The following CFAP299 variants were observed in gnomAD, a reference collection of about 807,000 sequenced individuals.
CFAP299 encodes the protein cilia and flagella associated protein 299, also known as cilia- and flagella-associated protein 299.
In CFAP299, 21 loss-of-function variants were observed where a neutral mutation model predicts 27.0. That is an observed-to-expected ratio of 0.78 (90% confidence interval 0.55 to 1.12). CFAP299 has a LOEUF of 1.12. Among genes scored for constraint, CFAP299 ranks in the 50% most tolerant of loss-of-function variants. The probability of loss-of-function intolerance (pLI) is 0.00; values close to 1 mark genes in which losing one functional copy is unlikely to be tolerated. For missense variants in CFAP299, 310 were observed against 276.6 expected, an observed-to-expected ratio of 1.12 and a Z score of -0.86; for synonymous variants, 104 against 98.1, an observed-to-expected ratio of 1.06 and a Z score of -0.36.
At chr4:80,680,734 G>A (rs567290628) in intron 3 of CFAP299, among the ~76,000 whole-genome samples, 25 of 152,118 alleles carry the variant, frequency 1.6e-4, no homozygotes, top group Non-Finnish European at 2.9e-4. Flanking sequence ...CCTTCATTTA[G>A]CATTATTAAG....
chr4:80,807,722 A>G (rs1396864844), intron 3 of CFAP299, among the ~76,000 whole-genome samples: 6 of 152,154 alleles, frequency 3.9e-5, no homozygotes, highest in Non-Finnish European at 2.9e-5. Flanking sequence ...ATGCATTTAT[A>G]TAAAAAATCT....
chr4:80,408,264 C>T (rs1402700241), intron 2 of CFAP299, among the ~76,000 whole-genome samples: 2 of 152,308 alleles, frequency 1.3e-5, no homozygotes, highest in East Asian at 3.9e-4. Flanking sequence ...TCTTTTGACT[C>T]TACATCCTAG....
intron 2 of CFAP299, among the ~76,000 whole-genome samples, chr4:80,551,237 T>C (rs115974257): frequency 7.2e-4 from 109 of 152,332 alleles, no homozygotes; most frequent in African/African-American, 2.5e-3. Context: ...AAATATGCCA[T>C]ATTAGGGTTC....
intron 3 of CFAP299, among the ~76,000 whole-genome samples, chr4:80,808,400 C>T (rs1345340652): frequency 6.6e-6 from 1 of 152,030 alleles, no homozygotes; most frequent in African/African-American, 2.4e-5. Context: ...AAACATAGCG[C>T]TGTGATGTTG....
chr4:80,559,805 C>T (rs532390600), intron 2 of CFAP299, among the ~76,000 whole-genome samples: 32 of 152,240 alleles, frequency 2.1e-4, no homozygotes, highest in African/African-American at 4.8e-4. Flanking sequence ...ACAGAATTGA[C>T]GAAACTAGTA....
At chr4:80,914,734 G>A (rs1027954209) in intron 4 of CFAP299, among the ~76,000 whole-genome samples, 12 of 152,080 alleles carry the variant, frequency 7.9e-5, no homozygotes, top group Admixed American at 1.3e-4. Flanking sequence ...AAAATCATCC[G>A]TTTTATCTGA....
chr4:80,477,135 G>A (rs1730322109), intron 2 of CFAP299, among the ~76,000 whole-genome samples: 1 of 151,994 alleles, frequency 6.6e-6, no homozygotes, highest in Admixed American at 6.6e-5. Context: ...GCTCACTGCA[G>A]CCTTGCAGCC....
chr4:80,857,336 T>A (rs1731977181), intron 3 of CFAP299, among the ~76,000 whole-genome samples: 1 of 152,208 alleles, frequency 6.6e-6, no homozygotes. Context: ...GATTTTACAA[T>A]CATGTCATCT....
At chr4:80,612,683 T>A (rs527272186) in intron 3 of CFAP299, among the ~76,000 whole-genome samples, 12 of 152,278 alleles carry the variant, frequency 7.9e-5, no homozygotes, top group African/African-American at 2.9e-4. Context: ...TCAATAATAC[T>A]CACACCTTAA....
chr4:80,840,344 A>C (rs923209050), intron 3 of CFAP299, among the ~76,000 whole-genome samples: 1 of 152,158 alleles, frequency 6.6e-6, no homozygotes, highest in Non-Finnish European at 1.5e-5. Context: ...AAAAGCAGAA[A>C]GAACTTAGAT....
At chr4:80,600,631 C>T (rs896492645) in intron 3 of CFAP299, among the ~76,000 whole-genome samples, 3 of 152,074 alleles carry the variant, frequency 2.0e-5, no homozygotes, top group African/African-American at 7.2e-5. Flanking sequence ...GCTATCATGA[C>T]AATTATTGCA....
intron 3 of CFAP299, among the ~76,000 whole-genome samples, chr4:80,673,708 G>T (rs1460343214): frequency 1.3e-5 from 2 of 152,142 alleles, no homozygotes; most frequent in Non-Finnish European, 2.9e-5. Context: ...CCTGTATTGG[G>T]TGCATATATG....
At chr4:80,897,321 G>A (rs537935530) in intron 4 of CFAP299, among the ~76,000 whole-genome samples, 14 of 152,112 alleles carry the variant, frequency 9.2e-5, no homozygotes, top group Non-Finnish European at 1.9e-4. Context: ...AGCTGTGCCT[G>A]GCATTGGGAA....
intron 2 of CFAP299, among the ~76,000 whole-genome samples, chr4:80,397,069 G>C (rs1725841602): frequency 6.6e-6 from 1 of 151,038 alleles, no homozygotes; most frequent in Non-Finnish European, 1.5e-5. Flanking sequence ...CCTGTTATTG[G>C]TCTATTCGGG....
intron 2 of CFAP299, among the ~76,000 whole-genome samples, chr4:80,444,597 A>G (rs1316541825): frequency 6.6e-6 from 1 of 152,224 alleles, no homozygotes; most frequent in Non-Finnish European, 1.5e-5. Flanking sequence ...CCTAGGCAAT[A>G]CTATTCAGGA....
At chr4:80,861,196 G>T (rs999178856) in intron 3 of CFAP299, among the ~76,000 whole-genome samples, 1 of 152,206 alleles carries the variant, frequency 6.6e-6, no homozygotes, top group Non-Finnish European at 1.5e-5. Flanking sequence ...GACTCCGTGG[G>T]TGTAGGACCC....
intron 3 of CFAP299, among the ~76,000 whole-genome samples, chr4:80,730,274 G>T (rs958686228): frequency 1.3e-5 from 2 of 148,842 alleles, no homozygotes; most frequent in Non-Finnish European, 3.0e-5. Context: ...GTGTGTGTGT[G>T]TGTGTATGTG....
At chr4:80,451,671 T>G (rs2110097166) in intron 2 of CFAP299, among the ~76,000 whole-genome samples, 1 of 152,348 alleles carries the variant, frequency 6.6e-6, no homozygotes, top group South Asian at 2.1e-4. Flanking sequence ...AATAGATTCA[T>G]TTCCTTTCCT....
chr4:80,447,380 C>G (rs2110093074), intron 2 of CFAP299, among the ~76,000 whole-genome samples: 1 of 151,222 alleles, frequency 6.6e-6, no homozygotes, highest in East Asian at 2.0e-4. Context: ...CGTGATCCGC[C>G]CGCCTCGGCC....
Sources: gnomAD v4.1 joint callset for allele counts (sites outside exome capture counted in the v4.1 genomes callset) on GRCh38, gnomAD v4.1.1 for gene constraint, MANE v1.5 for transcripts, NCBI Gene and HGNC (gene_info 2026-07-23, HGNC 2026-07-21) for gene names.